Variants in CENPE observed in about 807,000 individuals in gnomAD.
The protein encoded by CENPE is centromere protein E.
CENPE carries 145 observed loss-of-function variants against 336.1 expected under a neutral mutation model. The observed-to-expected ratio is 0.43, with a 90% CI of 0.38 to 0.50. CENPE has a LOEUF of 0.50. Among genes scored for constraint, CENPE ranks in the 20% least tolerant of loss-of-function variants. CENPE has a pLI of 0.00. For synonymous variants in CENPE, 1,013 were observed against 984.8 expected (o/e 1.03, Z -0.54); for missense variants, 2,719 against 3,023.3 (o/e 0.90, Z 2.36).
intron 41 of CENPE, among the ~76,000 whole-genome samples, 199 bp from the exon 42 acceptor site, chr4:103,133,095 C>CTAGT (rs1010289715): frequency 6.6e-6 from 1 of 151,020 alleles, no homozygotes; most frequent in Non-Finnish European, 1.5e-5. Context: ...AAACTTTATT[C>CTAGT]TAGTTATTTG....
chr4:103,123,148 C>G, intron 42 of CENPE, 59 bp from the exon 43 acceptor site: 1 of 1,221,768 alleles, frequency 8.2e-7, no homozygotes, highest in South Asian at 1.3e-5. Flanking sequence ...TCCCCACTTA[C>G]CTGCAATTTT....
chr4:103,163,121 T>A lies in CENPE; in HGVS notation c.1842+16A>T. 6.9e-6 allele frequency: 11 copies of A among 1,599,092 alleles called. No homozygotes were observed. The highest frequency in any genetic ancestry group is 9.4e-6 in the Non-Finnish European group (11 of 1,174,274). ...ATATTTATGTGATTACACAACAAAATACGCCTGATTTTTACCAATGAGTAT... is the reference window on the plus strand; with the variant it reads ...ATATTTATGTGATTACACAACAAAAAACGCCTGATTTTTACCAATGAGTAT... On this transcript the variant is annotated intron_variant, in intron 18 of 48. Transcript: ENST00000265148.
intron 8 of CENPE, among the ~76,000 whole-genome samples, chr4:103,187,611 C>T (rs989008322): frequency 6.6e-6 from 1 of 151,912 alleles, no homozygotes; most frequent in African/African-American, 2.4e-5. Flanking sequence ...GAGATTTTGT[C>T]ACCACCAGGC....
chr4:103,186,585 C>T (rs770691668), intron 8 of CENPE, among the ~76,000 whole-genome samples: 12 of 152,136 alleles, frequency 7.9e-5, no homozygotes, highest in Admixed American at 5.2e-4. Flanking sequence ...GAAGTGGCTG[C>T]TTATTATGCT....
chr4:103,159,047 T>C lies in CENPE; in HGVS notation c.2564A>G (p.Gln855Arg), dbSNP rs772905136. ...AGCACCCAAACTCGAATCAAATTTTTGGGCTTCTTTAGAGAGATTAACTAT... is the reference window on the plus strand; with the variant it reads ...AGCACCCAAACTCGAATCAAATTTTCGGGCTTCTTTAGAGAGATTAACTAT... ...QEIVNLSKEA[Q>R]KFDSSLGALK... Residue 855 changes from glutamine to arginine, a missense_variant, in exon 22 of 49, where the codon CAA becomes CGA. Coordinates refer to ENST00000265148, the MANE Select transcript of CENPE (RefSeq NM_001813.3). 2 of 1,536,158 alleles carry C rather than the reference T, an allele frequency of 1.3e-6. No individual in the cohort carries two copies. Among genetic ancestry groups the C allele is most frequent in the African/African-American group, 2.8e-5 (2 of 71,978 alleles).
At chr4:103,131,577 T>C (rs1228068235) in intron 42 of CENPE, among the ~76,000 whole-genome samples, 2 of 152,196 alleles carry the variant, frequency 1.3e-5, no homozygotes, top group East Asian at 3.8e-4. Flanking sequence ...ACTTTTACTG[T>C]ATGATCCAGA....
At chr4:103,138,700 A>T (rs988069432) in intron 38 of CENPE, among the ~76,000 whole-genome samples, 2 of 152,124 alleles carry the variant, frequency 1.3e-5, no homozygotes, top group Non-Finnish European at 2.9e-5. Context: ...TTTGTTTTTC[A>T]TAGCTACAAA....
Position 103,147,533 on chromosome 4 carries a change from G to A in CENPE, c.3957C>T (p.Asp1319=). ...ELLTEQSTTK[D]STTLARIEME... is the part of the protein sequence containing the mutation. The stretch of plus-strand genomic sequence containing the variant: ...TTTCTATTCTTGCCAGTGTTGTTGA[G>A]TCCTTGGTTGTGGACTGTTCTGTTA... The change falls in exon 29 of 49, where the codon GAC becomes GAT. Residue 1319 remains aspartate, a synonymous_variant. Transcript: ENST00000265148. The A allele has an allele frequency of 6.2e-7, 1 of 1,614,010 alleles. No individual in the cohort carries two copies. The highest frequency in any genetic ancestry group is 1.1e-5 in the South Asian group (1 of 91,082).
intron 42 of CENPE, among the ~76,000 whole-genome samples, chr4:103,129,429 C>A: frequency 6.6e-6 from 1 of 152,030 alleles, no homozygotes; most frequent in East Asian, 1.9e-4. Flanking sequence ...AACTACAGAC[C>A]AGTATCTCCC....
chr4:103,133,897 C>T lies in CENPE; in HGVS notation c.6523-5G>A. ...TGTAACATAGCTTAACACATACTTG[C>T]AGAAAAAAATTAAACAAATTGGTAA... On this transcript the variant is annotated splice_polypyrimidine_tract_variant and splice_region_variant and intron_variant, in intron 40 of 48. Coordinates refer to ENST00000265148, the MANE Select transcript of CENPE (RefSeq NM_001813.3). 1.3e-6 allele frequency: 2 copies of T among 1,550,498 alleles called. No individual in the cohort carries two copies. Among genetic ancestry groups the T allele is most frequent in the Admixed American group, 1.9e-5 (1 of 53,912 alleles).
intron 29 of CENPE, among the ~76,000 whole-genome samples, 170 bp from the exon 30 acceptor site, chr4:103,146,277 A>G (rs1157522844): frequency 6.6e-6 from 1 of 152,188 alleles, no homozygotes; most frequent in Non-Finnish European, 1.5e-5. Context: ...ATGCTTTTTA[A>G]AAATTGAGGT....
chr4:103,113,523 TATATATA>T (rs1351933708), intron 46 of CENPE, among the ~76,000 whole-genome samples: 4 of 139,986 alleles, frequency 2.9e-5, no homozygotes, highest in African/African-American at 8.0e-5. Flanking sequence ...TAATATATAT[TATATATA>T]ATATATAACT....
chr4:103,145,960 T>C lies in CENPE; in HGVS notation c.4282A>G (p.Lys1428Glu), dbSNP rs1753017801. The change falls in exon 30 of 49, where the codon AAA (lysine) becomes GAA (glutamate). Residue 1428 changes from lysine (K) to glutamate (E), a missense_variant. By Grantham distance (56) the Lys-to-Glu change is moderately conservative. Coordinates refer to ENST00000265148, the MANE Select transcript of CENPE (RefSeq NM_001813.3). The part of the protein sequence containing the change: ...RIEIEMLGLS[K>E]RLQESHDEMK... ...TCATCATGACTTTCTTGAAGTCTTTTGGACAATCCGAGCATTTCTATTTCT... is the reference window on the plus strand; with the variant it reads ...TCATCATGACTTTCTTGAAGTCTTTCGGACAATCCGAGCATTTCTATTTCT... The C allele has an allele frequency of 2.5e-6, 4 of 1,614,030 alleles. No homozygotes were observed. The highest frequency in any genetic ancestry group is 3.4e-6 in the Non-Finnish European group (4 of 1,179,962).
chr4:103,116,251 TAC>T lies in CENPE; in HGVS notation c.7442+324_7442+325del, dbSNP rs58894383. ...CAGAAGCCTTAGTAAAACTGCTAAA[TAC>T]ACACACACACACACACACACACACT... On this transcript the variant is annotated intron_variant, in intron 45 of 48. Coordinates refer to ENST00000265148, the MANE Select transcript of CENPE (RefSeq NM_001813.3). 5.2e-3 allele frequency: 774 copies of T among 149,672 alleles called. 2 individuals carry two copies. The highest frequency in any genetic ancestry group is 0.012 in the African/African-American group (478 of 40,388). The allele number at this position is 149,672 out of a possible 1,614,324, so 9.3% of individuals were successfully genotyped here. A position where few individuals can be genotyped will look rare whatever the true frequency, so the allele number is the denominator to read the frequency against.
At chr4:103,187,335 A>G (rs575708415) in intron 8 of CENPE, among the ~76,000 whole-genome samples, 1 of 152,318 alleles carries the variant, frequency 6.6e-6, no homozygotes, top group South Asian at 2.1e-4. Flanking sequence ...CAACTCCAAG[A>G]CACATAATTG....
intron 16 of CENPE, among the ~76,000 whole-genome samples, chr4:103,172,687 C>A (rs188878594): frequency 6.6e-6 from 1 of 151,998 alleles, no homozygotes; most frequent in African/African-American, 2.4e-5. Flanking sequence ...ATCCTATATA[C>A]AGAAAACCCT....
chr4:103,125,954 G>A (rs1256161362), intron 42 of CENPE, among the ~76,000 whole-genome samples: 1 of 151,634 alleles, frequency 6.6e-6, no homozygotes, highest in African/African-American at 2.4e-5. Context: ...AGATCCATCA[G>A]AGAAGTGAGG....
At chr4:103,185,157 T>C (rs1175566355) in intron 9 of CENPE, among the ~76,000 whole-genome samples, 1 of 151,996 alleles carries the variant, frequency 6.6e-6, no homozygotes, top group African/African-American at 2.4e-5. Context: ...ATACAAAAAT[T>C]AGCTGGGCGT....
In CENPE at chr4:103,157,712, G is replaced by C. The variant is rs568184717; in HGVS notation, c.3033+588C>G. ...GAAGTATATACTTAAAATGGTTAAGGTGGTAAATTTTATGTTATGTGTATT... is the reference window on the plus strand; with the variant it reads ...GAAGTATATACTTAAAATGGTTAAGCTGGTAAATTTTATGTTATGTGTATT... On this transcript the variant is annotated intron_variant, in intron 24 of 48. Coordinates refer to ENST00000265148, the MANE Select transcript of CENPE (RefSeq NM_001813.3). Among the ~76,000 whole-genome samples the C allele has an allele frequency of 7.2e-5, 11 of 151,906 alleles. 1 individual carries two copies. In the South Asian group the frequency reaches 2.3e-3, roughly 32 times the overall value.
Sources: allele counts gnomAD v4.1 joint callset (sites outside exome capture counted in the v4.1 genomes callset), GRCh38; gene constraint gnomAD v4.1.1; transcripts MANE v1.5; gene names NCBI Gene and HGNC (gene_info 2026-07-23, HGNC 2026-07-21).